The following CCBE1 variants were observed in gnomAD, a reference collection of about 807,000 sequenced individuals.
CCBE1 encodes collagen and calcium binding EGF domains 1.
CCBE1 carries 37 observed loss-of-function variants against 50.0 expected under a neutral mutation model. The ratio of observed to expected loss-of-function variants is 0.74; its 90% CI spans 0.57 to 0.97. The LOEUF is 0.97. Among genes scored for constraint, CCBE1 ranks in the 50% least tolerant of loss-of-function variants. The pLI, the probability that CCBE1 is intolerant of heterozygous loss-of-function variation, is 0.00. For synonymous variants in CCBE1, 234 were observed against 203.7 expected (o/e 1.15, Z -1.27); for missense variants, 538 against 523.8 (o/e 1.03, Z -0.26).
At chr18:59,564,382 C>CAT (rs1330355350) in intron 2 of CCBE1, among the ~76,000 whole-genome samples, 4 of 152,138 alleles carry the variant, frequency 2.6e-5, no homozygotes, top group Non-Finnish European at 5.9e-5. Flanking sequence ...TACACACACA[C>CAT]ATATAAACAC....
chr18:59,648,637 G>A (rs888067305), intron 2 of CCBE1, among the ~76,000 whole-genome samples: 1 of 152,192 alleles, frequency 6.6e-6, no homozygotes, highest in African/African-American at 2.4e-5. Context: ...AGGAGGCGGA[G>A]GTTGCAGTGA....
Position 59,466,870 on chromosome 18 carries a change from C to A in CCBE1, c.422G>T (p.Ser141Ile), listed in dbSNP as rs747143399. 15 of 1,613,234 alleles carry A rather than the reference C, an allele frequency of 9.3e-6. No individual in the cohort carries two copies. In the South Asian group the frequency reaches 1.2e-4, roughly 13 times the overall value. Reference sequence around the variant, plus strand: ...GATGTGGGCACACAGCGTCCCATTGCTGCTGGCACACTCATCAATATCTGG... The same window carrying A: ...GATGTGGGCACACAGCGTCCCATTGATGCTGGCACACTCATCAATATCTGG... ...YCLDIDECAS[S>I]NGTLCAHICI... The change falls in exon 5 of 11, where the codon AGC (serine) becomes ATC (isoleucine). Residue 141 changes from serine to isoleucine, a missense_variant. Transcript: ENST00000439986.
intron 2 of CCBE1, among the ~76,000 whole-genome samples, chr18:59,499,664 C>G (rs1368211835): frequency 2.0e-5 from 3 of 152,192 alleles, no homozygotes; most frequent in Non-Finnish European, 4.4e-5. Flanking sequence ...ATTCAATTAC[C>G]TCCCACCAGG....
intron 6 of CCBE1, among the ~76,000 whole-genome samples, chr18:59,452,578 G>A (rs1472934800): frequency 6.6e-6 from 1 of 152,160 alleles, no homozygotes; most frequent in Non-Finnish European, 1.5e-5. Context: ...GGGCGACAGA[G>A]CGAGACTTCA....
intron 3 of CCBE1, among the ~76,000 whole-genome samples, chr18:59,469,889 G>T (rs899951352): frequency 6.6e-6 from 1 of 152,170 alleles, no homozygotes; most frequent in Admixed American, 6.5e-5. Flanking sequence ...ACTCTTAAGA[G>T]GGCCAGCCTC....
At chr18:59,448,554 G>A (rs1910789360) in intron 6 of CCBE1, among the ~76,000 whole-genome samples, 1 of 152,144 alleles carries the variant, frequency 6.6e-6, no homozygotes, top group Non-Finnish European at 1.5e-5. Context: ...TTAGGACCGA[G>A]AACATGGCTG....
chr18:59,450,489 G>A (rs1910879789), intron 6 of CCBE1, among the ~76,000 whole-genome samples: 1 of 152,068 alleles, frequency 6.6e-6, no homozygotes, highest in South Asian at 2.1e-4. Flanking sequence ...TCTGCTTCCA[G>A]AATCTGTGCT....
chr18:59,591,652 C>G (rs1599042231), intron 2 of CCBE1, among the ~76,000 whole-genome samples: 1 of 152,128 alleles, frequency 6.6e-6, no homozygotes, highest in Admixed American at 6.5e-5. Flanking sequence ...AGCTCGAAAA[C>G]ACTCTGTTGC....
intron 2 of CCBE1, among the ~76,000 whole-genome samples, chr18:59,515,895 G>A (rs1242388547): frequency 1.3e-5 from 2 of 152,202 alleles, no homozygotes; most frequent in African/African-American, 4.8e-5. Flanking sequence ...AGGACAAAAG[G>A]GGTAATCCAA....
chr18:59,499,817 G>A (rs929959029), intron 2 of CCBE1, among the ~76,000 whole-genome samples: 4 of 152,180 alleles, frequency 2.6e-5, no homozygotes, highest in African/African-American at 4.8e-5. Flanking sequence ...GGCAGACTTT[G>A]AGATCTCTCC....
intron 3 of CCBE1, among the ~76,000 whole-genome samples, chr18:59,477,221 T>A (rs1268534662): frequency 6.6e-6 from 1 of 152,222 alleles, no homozygotes; most frequent in Non-Finnish European, 1.5e-5. Context: ...GAAGAATGTC[T>A]GGAACACCAG....
At chr18:59,554,073 A>G (rs903882834) in intron 2 of CCBE1, among the ~76,000 whole-genome samples, 1 of 152,108 alleles carries the variant, frequency 6.6e-6, no homozygotes, top group East Asian at 1.9e-4. Context: ...TGCGATCACA[A>G]CTCACTGCAA....
At chr18:59,599,767 T>TG (rs1400813110) in intron 2 of CCBE1, among the ~76,000 whole-genome samples, 2 of 152,300 alleles carry the variant, frequency 1.3e-5, no homozygotes, top group Admixed American at 1.3e-4. Flanking sequence ...CACACATAGC[T>TG]GGGGGTCTAT....
intron 2 of CCBE1, among the ~76,000 whole-genome samples, chr18:59,546,802 T>C (rs8086255): frequency 0.014 from 2,150 of 152,226 alleles, 54 homozygotes; most frequent in African/African-American, 0.049. Flanking sequence ...TTTGTGTCTA[T>C]AGTAATTTAA....
chr18:59,642,810 G>T (rs1055583250), intron 2 of CCBE1, among the ~76,000 whole-genome samples: 1 of 151,894 alleles, frequency 6.6e-6, no homozygotes, highest in Non-Finnish European at 1.5e-5. Flanking sequence ...TTAGCCAGGC[G>T]TGATGGTAGG....
At chr18:59,621,055 A>G (rs2053704299) in intron 2 of CCBE1, among the ~76,000 whole-genome samples, 1 of 152,138 alleles carries the variant, frequency 6.6e-6, no homozygotes, top group Admixed American at 6.5e-5. Context: ...GTTGTGGCAA[A>G]AATGTAACCT....
At position 59,433,028 on chromosome 18, in the gene CCBE1, T is replaced by A. The variant is rs1362106851; in HGVS notation, c.*2880A>T. 2 of 152,232 alleles carry A rather than the reference T, an allele frequency of 1.3e-5. No homozygotes were observed. Among genetic ancestry groups the A allele is most frequent in the East Asian group, 3.9e-4 (2 of 5,178 alleles). 9.4% of individuals were successfully genotyped at this position (152,232 alleles called of 1,614,324 possible). ...CACAAGCAGGCAAACATTAAATATA[T>A]TCCAGATGGGAATCAACAGCTGTTC... On this transcript the variant is annotated 3_prime_UTR_variant, in exon 11 of 11. Transcript: ENST00000439986.
intron 2 of CCBE1, among the ~76,000 whole-genome samples, chr18:59,671,413 G>A (rs1173950943): frequency 2.6e-5 from 4 of 151,460 alleles, no homozygotes; most frequent in Admixed American, 2.0e-4. Context: ...TGGGAAGACT[G>A]CTTGACCCCA....
At chr18:59,657,350 A>C (rs1175306090) in intron 2 of CCBE1, among the ~76,000 whole-genome samples, 1 of 152,146 alleles carries the variant, frequency 6.6e-6, no homozygotes, top group Non-Finnish European at 1.5e-5. Context: ...TAGACTGAAA[A>C]ATTACACACT....
Sources: gnomAD v4.1 joint callset for allele counts (sites outside exome capture counted in the v4.1 genomes callset) on GRCh38, gnomAD v4.1.1 for gene constraint, MANE v1.5 for transcripts, NCBI Gene and HGNC (gene_info 2026-07-23, HGNC 2026-07-21) for gene names.